The following CHST11 variants were observed in gnomAD, a reference collection of about 807,000 sequenced individuals.
The protein encoded by CHST11 is carbohydrate sulfotransferase 11.
In CHST11, 9 loss-of-function variants were observed where a neutral mutation model predicts 30.4. The observed-to-expected ratio is 0.30, with a 90% CI of 0.18 to 0.52. The LOEUF (loss-of-function observed/expected upper bound fraction) is 0.52, where lower values mean the gene tolerates loss of function less well. Among genes scored for constraint, CHST11 ranks in the 20% least tolerant of loss-of-function variants. The probability of loss-of-function intolerance (pLI) is 0.97; values close to 1 mark genes in which losing one functional copy is unlikely to be tolerated. For synonymous variants in CHST11, 152 were observed against 187.8 expected (o/e 0.81, Z 1.56); for missense variants, 348 against 460.6 (o/e 0.76, Z 2.24).
chr12:104,655,319 A>C (rs149648582), intron 2 of CHST11, among the ~76,000 whole-genome samples: 139 of 152,292 alleles, frequency 9.1e-4, no homozygotes, highest in African/African-American at 3.2e-3. Flanking sequence ...CATTTCTTTT[A>C]ATTCTTTCCT....
chr12:104,503,763 C>T (rs563583078), intron 1 of CHST11, among the ~76,000 whole-genome samples: 3 of 152,182 alleles, frequency 2.0e-5, no homozygotes, highest in African/African-American at 4.8e-5. Context: ...GACATCAGCA[C>T]GGGACACAGT....
chr12:104,717,022 AT>A (rs1230425098), intron 2 of CHST11, among the ~76,000 whole-genome samples: 4 of 152,294 alleles, frequency 2.6e-5, no homozygotes, highest in Non-Finnish European at 5.9e-5. Context: ...CTTGCATCTT[AT>A]CACTGAATCC....
At chr12:104,490,634 A>G (rs893347509) in intron 1 of CHST11, among the ~76,000 whole-genome samples, 3 of 152,192 alleles carry the variant, frequency 2.0e-5, no homozygotes, top group South Asian at 2.1e-4. Context: ...CTGCATTTTT[A>G]TTCTGTGTTA....
At chr12:104,498,583 G>A (rs1043141768) in intron 1 of CHST11, among the ~76,000 whole-genome samples, 5 of 152,160 alleles carry the variant, frequency 3.3e-5, no homozygotes, top group African/African-American at 9.7e-5. Context: ...TGGAGTTCAC[G>A]GGAGGGCCAG....
At chr12:104,739,832 C>T (rs2040332734) in intron 2 of CHST11, among the ~76,000 whole-genome samples, 1 of 152,102 alleles carries the variant, frequency 6.6e-6, no homozygotes, top group African/African-American at 2.4e-5. Flanking sequence ...TCTTACTGAC[C>T]CCAGATCATG....
At chr12:104,685,772 A>G (rs1178229613) in intron 2 of CHST11, among the ~76,000 whole-genome samples, 1 of 152,228 alleles carries the variant, frequency 6.6e-6, no homozygotes, top group Non-Finnish European at 1.5e-5. Context: ...AGTTAGGTCA[A>G]AATAACAGCT....
chr12:104,714,884 T>A (rs1206056237), intron 2 of CHST11, among the ~76,000 whole-genome samples: 1 of 152,124 alleles, frequency 6.6e-6, no homozygotes, highest in Non-Finnish European at 1.5e-5. Flanking sequence ...GAGTACTCAG[T>A]TTCAAAGACC....
chr12:104,509,812 A>G (rs2037945607), intron 1 of CHST11, among the ~76,000 whole-genome samples: 1 of 152,204 alleles, frequency 6.6e-6, no homozygotes, highest in South Asian at 2.1e-4. Flanking sequence ...TGTGTTATTT[A>G]AGGTAACATG....
At chr12:104,587,981 C>A (rs1283874729) in intron 1 of CHST11, among the ~76,000 whole-genome samples, 1 of 151,668 alleles carries the variant, frequency 6.6e-6, no homozygotes, top group Non-Finnish European at 1.5e-5. Flanking sequence ...TCAATTAAGT[C>A]TTTCATATTG....
rs1491289724 is a variant in CHST11, at chr12:104,544,161, A to AG, written c.119-57744dup. Among the ~76,000 whole-genome samples, 61 of 33,972 alleles carry AG rather than the reference A, an allele frequency of 1.8e-3. 2 individuals carry two copies. Among genetic ancestry groups the AG allele is most frequent in the African/African-American group, 4.1e-3 (58 of 14,136 alleles). The allele number at this position is 33,972 out of a possible 152,430, so 22.3% of individuals were successfully genotyped here. Reference sequence around the variant, plus strand: ...AAAAAAGAAAGAAAGAAAGAAAGAAAGAAAGAAAGAAAGAAAGAAAGACCT... The same window carrying AG: ...AAAAAAGAAAGAAAGAAAGAAAGAAAGGAAAGAAAGAAAGAAAGAAAGACCT... On this transcript the variant is annotated intron_variant, in intron 1 of 2. Coordinates refer to ENST00000303694, the MANE Select transcript of CHST11 (RefSeq NM_018413.6).
chr12:104,639,972 A>T (rs1419546666), intron 2 of CHST11, among the ~76,000 whole-genome samples: 1 of 152,254 alleles, frequency 6.6e-6, no homozygotes. Flanking sequence ...AAGCATAAGA[A>T]AGGATGCTCT....
chr12:104,530,316 A>G (rs987477310), intron 1 of CHST11, among the ~76,000 whole-genome samples: 3 of 152,218 alleles, frequency 2.0e-5, no homozygotes, highest in African/African-American at 7.2e-5. Flanking sequence ...GTCTTAGCCT[A>G]TAAATTCCTC....
At chr12:104,502,876 C>A (rs767759293) in intron 1 of CHST11, among the ~76,000 whole-genome samples, 1 of 152,188 alleles carries the variant, frequency 6.6e-6, no homozygotes, top group Non-Finnish European at 1.5e-5. Flanking sequence ...GCCATATCAG[C>A]GCCCCTCAAA....
intron 1 of CHST11, among the ~76,000 whole-genome samples, chr12:104,532,172 ATC>A (rs1222873381): frequency 1.3e-5 from 2 of 152,114 alleles, no homozygotes; most frequent in Non-Finnish European, 2.9e-5. Context: ...TCTTGTTGCC[ATC>A]AACAGCATGA....
intron 1 of CHST11, among the ~76,000 whole-genome samples, chr12:104,574,906 T>G (rs1286275284): frequency 6.6e-6 from 1 of 151,388 alleles, no homozygotes; most frequent in Non-Finnish European, 1.5e-5. Context: ...AAAATGACTG[T>G]AGAGGCCGGG....
intron 1 of CHST11, among the ~76,000 whole-genome samples, chr12:104,542,914 A>T (rs560951168): frequency 9.8e-4 from 150 of 152,318 alleles, no homozygotes; most frequent in Non-Finnish European, 1.8e-3. Context: ...AAATCTCTGA[A>T]CCATCCTCAT....
Position 104,458,468 on chromosome 12 carries a change from T to C in CHST11, c.118+939T>C, listed in dbSNP as rs866616358. On this transcript the variant is annotated intron_variant, in intron 1 of 2. Coordinates refer to ENST00000303694, the MANE Select transcript of CHST11 (RefSeq NM_018413.6). This position sits in a 1 kb window ranked among gnomAD's most constrained non-coding sequence, Gnocchi z 5.7. ...CTGGGGGAGGGACGAGGCTCGTCGC[T>C]TCCTAGGGGTGCGAGGGAAAGTTTG... 2.6e-5 allele frequency among the ~76,000 whole-genome samples: 4 copies of C among 152,098 alleles called. No homozygotes were observed. Among genetic ancestry groups the C allele is most frequent in the African/African-American group, 4.8e-5 (2 of 41,420 alleles).
rs1289065049 is a variant in CHST11, at chr12:104,602,006, C to G, written c.204+15C>G. ...ACCCAATCCAGGTAAGCTTCAAGCA[C>G]TCTGTCAGCATGTGAATTTTTTTTT... is the stretch of plus-strand genomic sequence containing the variant. On this transcript the variant is annotated intron_variant, in intron 2 of 2. Coordinates refer to ENST00000303694, the MANE Select transcript of CHST11 (RefSeq NM_018413.6). 1 of 1,592,806 alleles carries G rather than the reference C, an allele frequency of 6.3e-7. No individual in the cohort carries two copies. The highest frequency in any genetic ancestry group is 1.1e-5 in the South Asian group (1 of 89,168).
At chr12:104,653,965 C>T (rs1172561752) in intron 2 of CHST11, among the ~76,000 whole-genome samples, 1 of 152,140 alleles carries the variant, frequency 6.6e-6, no homozygotes, top group East Asian at 1.9e-4. Context: ...AAAACGTCCC[C>T]GACACCACCT....
Sources: gnomAD v4.1 joint callset for allele counts (sites outside exome capture counted in the v4.1 genomes callset) on GRCh38, gnomAD v4.1.1 for gene constraint, Gnocchi (gnomAD v3.1) non-coding constraint, MANE v1.5 for transcripts, NCBI Gene and HGNC (gene_info 2026-07-23, HGNC 2026-07-21) for gene names.